The following DYNC2H1 variants were observed in gnomAD, a reference collection of about 807,000 sequenced individuals.
DYNC2H1 encodes the protein cytoplasmic dynein 2 heavy chain 1.
In DYNC2H1, 410 loss-of-function variants were observed where a neutral mutation model predicts 570.0. That is an observed-to-expected ratio of 0.72 (90% CI 0.66 to 0.78). The LOEUF is 0.78. Ranked by LOEUF, DYNC2H1 falls within the 30% of genes least tolerant of loss-of-function variation. The probability of loss-of-function intolerance (pLI) is 0.00; values close to 1 mark genes in which losing one functional copy is unlikely to be tolerated. For missense variants in DYNC2H1, 4,865 were observed against 5,046.4 expected, an observed-to-expected ratio of 0.96 and a Z score of 1.09; for synonymous variants, 1,688 against 1,677.6, an observed-to-expected ratio of 1.01 and a Z score of -0.15.
rs1333381443 is a variant in DYNC2H1 at position 103,203,521 on chromosome 11, A to G, written c.8198-142A>G. 5 of 579,240 alleles carry G rather than the reference A, an allele frequency of 8.6e-6. No homozygotes were observed. In the East Asian group the frequency reaches 1.5e-4, roughly 17 times the overall value. 35.9% of individuals were successfully genotyped at this position (579,240 alleles called of 1,614,324 possible). ...ATTTTATCAAATGAGGGCTATAGAT[A>G]AAGATTTGTGAGTCAAGTAGAGGTA... is the stretch of plus-strand genomic sequence containing the variant. On this transcript the variant is annotated intron_variant, in intron 50 of 88. Transcript: ENST00000375735. The surrounding 1 kb of genome is among the most constrained non-coding windows in gnomAD (Gnocchi z 4.7).
chr11:103,152,718 C>T (rs1396102481), intron 21 of DYNC2H1, among the ~76,000 whole-genome samples: 1 of 152,096 alleles, frequency 6.6e-6, no homozygotes, highest in African/African-American at 2.4e-5. Flanking sequence ...TTGTCTGGGT[C>T]CTAGGTTTTG....
intron 84 of DYNC2H1, among the ~76,000 whole-genome samples, chr11:103,420,471 TC>T (rs1336983763): frequency 6.6e-6 from 1 of 151,954 alleles, no homozygotes; most frequent in Non-Finnish European, 1.5e-5. Context: ...TTAAGGGCAG[TC>T]ACAGAGAAAG....
Position 103,199,201 on chromosome 11 carries a change from T to A in DYNC2H1, c.7840-27T>A. 1.4e-6 allele frequency: 2 copies of A among 1,409,332 alleles called. No individual in the cohort carries two copies. Among genetic ancestry groups the A allele is most frequent in the Non-Finnish European group, 1.9e-6 (2 of 1,040,870 alleles). The allele number at this position is 1,409,332 out of a possible 1,614,324, so 87.3% of individuals were successfully genotyped here. On this transcript the variant is annotated intron_variant, in intron 48 of 88. Coordinates refer to ENST00000375735, the MANE Select transcript of DYNC2H1 (RefSeq NM_001377.3). This position sits in a 1 kb window ranked among gnomAD's most constrained non-coding sequence, Gnocchi z 4.6. ...TTATGTAATTAGGGCTTATATTAAT[T>A]ATAAAATATTCTGATTTTTTTAAAA...
At chr11:103,110,821 C>CTT (rs540978155) in intron 1 of DYNC2H1, among the ~76,000 whole-genome samples, 6 of 141,120 alleles carry the variant, frequency 4.3e-5, no homozygotes, top group Admixed American at 3.5e-4. Context: ...CATTCAGTGC[C>CTT]TTTTTTTTTT....
rs530506472 is a variant in DYNC2H1, at chr11:103,130,548, G to A, written c.1953+1543G>A. On this transcript the variant is annotated intron_variant, in intron 13 of 88. Coordinates refer to ENST00000375735, the MANE Select transcript of DYNC2H1 (RefSeq NM_001377.3). ...AAACAGGTAAACAAAAAGAGATGTC[G>A]TATAATCATGCCATGAAGAAATGAC... Among the ~76,000 whole-genome samples, 12 of 152,248 alleles carry A rather than the reference G, an allele frequency of 7.9e-5. No homozygotes were observed. In the South Asian group the frequency reaches 1.5e-3, roughly 18 times the overall value.
At chr11:103,411,538 T>G (rs1181075033) in intron 84 of DYNC2H1, among the ~76,000 whole-genome samples, 1 of 151,296 alleles carries the variant, frequency 6.6e-6, no homozygotes, top group Non-Finnish European at 1.5e-5. Context: ...CATAAACACT[T>G]GAAAAAAAAA....
At chr11:103,206,489 C>T (rs1355762068) in intron 52 of DYNC2H1, among the ~76,000 whole-genome samples, 1 of 151,686 alleles carries the variant, frequency 6.6e-6, no homozygotes, top group Non-Finnish European at 1.5e-5. Context: ...ATGATATCAC[C>T]AAGAGAGTAA....
chr11:103,127,023 G>T (rs1345489914), intron 12 of DYNC2H1, among the ~76,000 whole-genome samples: 1 of 152,192 alleles, frequency 6.6e-6, no homozygotes, highest in Non-Finnish European at 1.5e-5. Flanking sequence ...AGGAAGTCTT[G>T]TGAAAGCATA....
At chr11:103,168,324 GA>G (rs1295406094) in intron 31 of DYNC2H1, among the ~76,000 whole-genome samples, 1 of 152,158 alleles carries the variant, frequency 6.6e-6, no homozygotes, top group Non-Finnish European at 1.5e-5. Flanking sequence ...AGCGTTGCCA[GA>G]AGGGGGGAAA....
chr11:103,255,469 A>G lies in DYNC2H1; in HGVS notation c.10261A>G (p.Lys3421Glu), dbSNP rs372204188. The G allele has an allele frequency of 1.2e-4, 189 of 1,569,768 alleles. No homozygotes were observed. The highest frequency in any genetic ancestry group is 2.5e-5 in the Non-Finnish European group (29 of 1,156,220). Reference protein sequence around the residue: ...EKPDLEEQKTKLLQQEEDKKI... With the variant: ...EKPDLEEQKTELLQQEEDKKI... The stretch of plus-strand genomic sequence containing the variant: ...ACCTGATTTAGAAGAACAGAAAACA[A>G]AACTATTACAACAGGAAGAAGATAA... The change falls in exon 67 of 89, where the codon AAA (lysine) becomes GAA (glutamate). Residue 3421 changes from lysine (K) to glutamate (E), a missense_variant. Physicochemically the swap from Lys to Glu is moderately conservative, Grantham distance 56. Coordinates refer to ENST00000375735, the MANE Select transcript of DYNC2H1 (RefSeq NM_001377.3).
chr11:103,280,365 C>T lies in DYNC2H1; in HGVS notation c.10713C>T (p.Phe3571=), dbSNP rs886043866. ...CTTTGCAGGCTGATCAGTTGATGTT[C>T]GCTTTGCATTTTGTTCGAGGCATGC... ...RCLFKADQLM[F]ALHFVRGMHP... Residue 3571 remains phenylalanine (F), a synonymous_variant, in exon 71 of 89, where the codon TTC becomes TTT. Transcript: ENST00000375735. This position sits in a 1 kb window ranked among gnomAD's most constrained non-coding sequence, Gnocchi z 4.7. The T allele has an allele frequency of 1.3e-5, 20 of 1,555,212 alleles. No individual in the cohort carries two copies. Among genetic ancestry groups the T allele is most frequent in the East Asian group, 1.2e-4 (5 of 41,812 alleles).
chr11:103,358,011 C>G (rs1006590167), intron 82 of DYNC2H1, among the ~76,000 whole-genome samples: 1 of 152,106 alleles, frequency 6.6e-6, no homozygotes, highest in African/African-American at 2.4e-5. Context: ...TTATAGTATA[C>G]AATTTAAAAA....
At chr11:103,350,722 C>T (rs1449226532) in intron 82 of DYNC2H1, among the ~76,000 whole-genome samples, 1 of 152,086 alleles carries the variant, frequency 6.6e-6, no homozygotes, top group Non-Finnish European at 1.5e-5. Context: ...AGACAGCTGC[C>T]TTCTTTCTGG....
At chr11:103,323,745 A>C in intron 81 of DYNC2H1, 141 bp from the exon 82 acceptor site, 2 of 616,014 alleles carry the variant, frequency 3.2e-6, no homozygotes, top group South Asian at 2.5e-5. Context: ...AACTGAGTTA[A>C]TATCATACAA....
At chr11:103,257,036 A>G (rs923193395) in intron 68 of DYNC2H1, among the ~76,000 whole-genome samples, 3 of 152,162 alleles carry the variant, frequency 2.0e-5, no homozygotes, top group African/African-American at 7.2e-5. Context: ...GTGTGTCCTC[A>G]TCACCCCCAA....
In DYNC2H1 at chr11:103,446,501, T is replaced by C. The variant is rs1267132374; in HGVS notation, c.12457-8685T>C. Among the ~76,000 whole-genome samples, 1 of 152,262 alleles carries C rather than the reference T, an allele frequency of 6.6e-6. No individual in the cohort carries two copies. The highest frequency in any genetic ancestry group is 1.5e-5 in the Non-Finnish European group (1 of 68,012). On this transcript the variant is annotated intron_variant, in intron 85 of 88. Transcript: ENST00000375735. This position sits in a 1 kb window ranked among gnomAD's most constrained non-coding sequence, Gnocchi z 4.5. ...GACGTTGGTGATCTTGAGGAGATGTTTTGTGAAGTTCTAAAGAATGAAAGC... is the reference window on the plus strand; with the variant it reads ...GACGTTGGTGATCTTGAGGAGATGTCTTGTGAAGTTCTAAAGAATGAAAGC...
At chr11:103,463,848 G>C (rs1049406363) in intron 87 of DYNC2H1, among the ~76,000 whole-genome samples, 6 of 152,148 alleles carry the variant, frequency 3.9e-5, no homozygotes, top group Non-Finnish European at 7.4e-5. Context: ...GAAAGACAAA[G>C]AAATAGCCTG....
intron 84 of DYNC2H1, among the ~76,000 whole-genome samples, chr11:103,427,778 C>G (rs962445857): frequency 3.3e-5 from 5 of 152,034 alleles, no homozygotes; most frequent in African/African-American, 1.2e-4. Context: ...AAAGGCCTTG[C>G]CTCCTAATAT....
chr11:103,299,183 T>C lies in DYNC2H1; in HGVS notation c.11096-3910T>C, dbSNP rs1000068340. ...AACGTTCTTCATCCAAAAGTTATTT[T>C]TGAACTATGCATCTTTCCTAGTTTT... is the stretch of plus-strand genomic sequence containing the variant. On this transcript the variant is annotated intron_variant, in intron 75 of 88. Coordinates refer to ENST00000375735, the MANE Select transcript of DYNC2H1 (RefSeq NM_001377.3). This position sits in a 1 kb window ranked among gnomAD's most constrained non-coding sequence, Gnocchi z 4.5. 3.3e-5 allele frequency among the ~76,000 whole-genome samples: 5 copies of C among 152,156 alleles called. No individual in the cohort carries two copies. The highest frequency in any genetic ancestry group is 9.6e-5 in the African/African-American group (4 of 41,454).
Sources: allele counts gnomAD v4.1 joint callset (sites outside exome capture counted in the v4.1 genomes callset), GRCh38; gene constraint gnomAD v4.1.1; non-coding constraint Gnocchi (gnomAD v3.1); transcripts MANE v1.5; gene names NCBI Gene and HGNC (gene_info 2026-07-23, HGNC 2026-07-21).